The following TMTC2 variants were observed in gnomAD, a reference collection of about 807,000 sequenced individuals.
TMTC2 encodes transmembrane O-mannosyltransferase targeting cadherins 2.
Under a neutral mutation model 82.4 loss-of-function variants are expected in TMTC2, and 43 were observed. That is an observed-to-expected ratio of 0.52 (90% CI 0.41 to 0.67). TMTC2 has a LOEUF of 0.67. TMTC2 is among the 30% of genes least tolerant of loss of function. The pLI is 0.00. For missense variants in TMTC2, 919 were observed against 1,012.4 expected (o/e 0.91, Z 1.25); for synonymous variants, 408 against 381.9 (o/e 1.07, Z -0.80).
At chr12:82,689,851 G>A (rs777799751) in intron 1 of TMTC2, among the ~76,000 whole-genome samples, 4 of 152,178 alleles carry the variant, frequency 2.6e-5, no homozygotes, top group Non-Finnish European at 5.9e-5. Context: ...TGCTCAATAT[G>A]ATGTCTAGAT....
chr12:82,810,619 G>A (rs1048010936), intron 1 of TMTC2, among the ~76,000 whole-genome samples: 10 of 151,940 alleles, frequency 6.6e-5, no homozygotes, highest in Non-Finnish European at 1.2e-4. Context: ...CTTTATGCAG[G>A]AAATAGTTAT....
rs940680760 is a variant in TMTC2, at chr12:82,937,735, T to G, written c.1598+7190T>G. On this transcript the variant is annotated intron_variant, in intron 4 of 11. Coordinates refer to ENST00000321196, the MANE Select transcript of TMTC2 (RefSeq NM_152588.3). ...GTGTGTGTGTGTGTGTGTGGATGTG[T>G]GTGTGTGTGTGTGTGTATATATATA... Among the ~76,000 whole-genome samples the G allele has an allele frequency of 1.3e-3, 13 of 9,708 alleles. 1 individual carries two copies. The highest frequency in any genetic ancestry group is 5.2e-3 in the Admixed American group (3 of 576). 6.4% of individuals were successfully genotyped at this position (9,708 alleles called of 152,430 possible). A position where few individuals can be genotyped will look rare whatever the true frequency, so the allele number is the denominator to read the frequency against.
intron 4 of TMTC2, among the ~76,000 whole-genome samples, chr12:82,941,170 A>T (rs1333540499): frequency 3.3e-5 from 5 of 152,082 alleles, no homozygotes; most frequent in African/African-American, 9.7e-5. Context: ...TAGGAGGGAG[A>T]TCTATCTTTC....
At chr12:82,700,072 T>G (rs1872997878) in intron 1 of TMTC2, among the ~76,000 whole-genome samples, 1 of 152,220 alleles carries the variant, frequency 6.6e-6, no homozygotes, top group South Asian at 2.1e-4. Context: ...TATAAGGTCC[T>G]TGAGCATTGT....
chr12:82,854,427 A>C (rs959850512), intron 1 of TMTC2, among the ~76,000 whole-genome samples: 11 of 151,998 alleles, frequency 7.2e-5, no homozygotes, highest in Non-Finnish European at 1.2e-4. Context: ...TGGAACTCCA[A>C]CCATTACATA....
At chr12:83,095,696 T>C (rs1884007267) in intron 11 of TMTC2, among the ~76,000 whole-genome samples, 1 of 152,172 alleles carries the variant, frequency 6.6e-6, no homozygotes, top group Non-Finnish European at 1.5e-5. Context: ...AATGATAACA[T>C]GTTTCTGAGC....
chr12:82,730,343 TC>T (rs1225862835), intron 1 of TMTC2, among the ~76,000 whole-genome samples: 5 of 140,520 alleles, frequency 3.6e-5, no homozygotes, highest in Admixed American at 3.5e-4. Flanking sequence ...CCACTCCCTA[TC>T]TTATATAAAA....
intron 1 of TMTC2, among the ~76,000 whole-genome samples, chr12:82,791,388 A>C (rs1878462883): frequency 2.0e-5 from 3 of 152,038 alleles, no homozygotes; most frequent in African/African-American, 7.2e-5. Context: ...ATATTTCCAT[A>C]AGTTATGGAA....
intron 1 of TMTC2, among the ~76,000 whole-genome samples, chr12:82,774,757 C>T (rs554320314): frequency 4.0e-4 from 60 of 151,212 alleles, no homozygotes; most frequent in Non-Finnish European, 7.1e-4. Flanking sequence ...TGGGCTATAC[C>T]GAGGTGATGG....
chr12:82,755,909 T>C lies in TMTC2; in HGVS notation c.83+68240T>C, dbSNP rs966047427. On this transcript the variant is annotated intron_variant, in intron 1 of 11. Transcript: ENST00000321196. ...TTATCATAATAAAAATAGAAATTAC[T>C]AAATATAAAATGCTGTACTAGGAAA... 3.3e-5 allele frequency among the ~76,000 whole-genome samples: 5 copies of C among 152,226 alleles called. No homozygotes were observed. The South Asian group carries it at 1.0e-3, about 32-fold the overall frequency.
At chr12:82,870,810 A>G (rs1048230592) in intron 2 of TMTC2, among the ~76,000 whole-genome samples, 1 of 152,230 alleles carries the variant, frequency 6.6e-6, no homozygotes, top group Non-Finnish European at 1.5e-5. Context: ...TTTCAGAGGT[A>G]AAATAGCAAG....
At position 82,816,144 on chromosome 12, in the gene TMTC2, CT is replaced by C. The variant is rs759486155; in HGVS notation, c.84-40851del. Among the ~76,000 whole-genome samples the C allele has an allele frequency of 9.5e-3, 1,326 of 139,134 alleles. 12 individuals carry two copies. The highest frequency in any genetic ancestry group is 0.028 in the African/African-American group (1,085 of 38,316). The allele number at this position is 139,134 out of a possible 152,430, so 91.3% of individuals were successfully genotyped here. A position where few individuals can be genotyped will look rare whatever the true frequency, so the allele number is the denominator to read the frequency against. ...ATTTTTGTTGAGTCGAATGTGCTAT[CT>C]TTTTTTTTTTTTTTCTAATTCTTCA... is the stretch of plus-strand genomic sequence containing the variant. On this transcript the variant is annotated intron_variant, in intron 1 of 11. Coordinates refer to ENST00000321196, the MANE Select transcript of TMTC2 (RefSeq NM_152588.3).
intron 9 of TMTC2, 60 bp from the exon 10 acceptor site, chr12:83,050,844 C>A: frequency 8.6e-7 from 1 of 1,165,490 alleles, no homozygotes; most frequent in Non-Finnish European, 1.2e-6. Flanking sequence ...TCTTTAATAA[C>A]AGCTTTATTG....
intron 6 of TMTC2, among the ~76,000 whole-genome samples, chr12:82,966,252 T>A (rs1476143265): frequency 6.6e-6 from 1 of 152,162 alleles, no homozygotes; most frequent in East Asian, 1.9e-4. Context: ...TATTATTTCT[T>A]AACTGAGGGA....
chr12:82,932,197 A>T (rs1343898119), intron 4 of TMTC2, among the ~76,000 whole-genome samples: 3 of 152,222 alleles, frequency 2.0e-5, no homozygotes, highest in Non-Finnish European at 2.9e-5. Flanking sequence ...AAGGGAAAGC[A>T]GACAGGATGA....
At chr12:82,836,837 AC>A (rs1193852805) in intron 1 of TMTC2, among the ~76,000 whole-genome samples, 13 of 152,202 alleles carry the variant, frequency 8.5e-5, no homozygotes, top group East Asian at 1.9e-4. Context: ...GAAAAAAAAA[AC>A]AAAAGACAAT....
rs67785786 is a variant in TMTC2 at position 82,722,398 on chromosome 12, C to CAAAA, written c.83+34745_83+34748dup. Among the ~76,000 whole-genome samples the CAAAA allele has an allele frequency of 7.5e-4, 77 of 102,554 alleles. 1 individual carries two copies. Among genetic ancestry groups the CAAAA allele is most frequent in the African/African-American group, 2.9e-3 (72 of 25,154 alleles). 67.3% of individuals were successfully genotyped at this position (102,554 alleles called of 152,430 possible). Reference sequence around the variant, plus strand: ...TGAAACCCCGTCTCTACTAAAAATACAAAAAAAAAAAAAAAAAAATTAGCC... The same window carrying CAAAA: ...TGAAACCCCGTCTCTACTAAAAATACAAAAAAAAAAAAAAAAAAAAAAATTAGCC... On this transcript the variant is annotated intron_variant, in intron 1 of 11. Transcript: ENST00000321196.
At chr12:82,849,829 C>T (rs753406374) in intron 1 of TMTC2, among the ~76,000 whole-genome samples, 1 of 152,114 alleles carries the variant, frequency 6.6e-6, no homozygotes, top group Non-Finnish European at 1.5e-5. Flanking sequence ...TAGGAATTGC[C>T]TTTATCTCCT....
At chr12:82,829,157 T>A (rs996548924) in intron 1 of TMTC2, among the ~76,000 whole-genome samples, 11 of 152,184 alleles carry the variant, frequency 7.2e-5, no homozygotes, top group Non-Finnish European at 7.4e-5. Context: ...CCTTTAGTTT[T>A]GTTTTGTTTT....
Sources: gnomAD v4.1 joint callset for allele counts (sites outside exome capture counted in the v4.1 genomes callset) on GRCh38, gnomAD v4.1.1 for gene constraint, MANE v1.5 for transcripts, NCBI Gene and HGNC (gene_info 2026-07-23, HGNC 2026-07-21) for gene names.